TTBK2: variants seen among roughly 807,000 people sequenced by gnomAD.
TTBK2 encodes tau tubulin kinase 2, also known as tau-tubulin kinase 2.
A neutral mutation model predicts 110.8 loss-of-function variants in TTBK2; 28 were observed. The ratio of observed to expected loss-of-function variants is 0.25; its 90% CI spans 0.19 to 0.35. The LOEUF is 0.35. Ranked by LOEUF, TTBK2 falls within the 10% of genes least tolerant of loss-of-function variation. The pLI is 1.00. For missense variants in TTBK2, 1,369 were observed against 1,500.3 expected, an observed-to-expected ratio of 0.91 and a Z score of 1.45; for synonymous variants, 532 against 527.3, an observed-to-expected ratio of 1.01 and a Z score of -0.12.
chr15:42,891,769 A>G (rs2141166107), intron 1 of TTBK2, among the ~76,000 whole-genome samples: 1 of 152,332 alleles, frequency 6.6e-6, no homozygotes, highest in South Asian at 2.1e-4. Flanking sequence ...TAAGCAAATT[A>G]TTAAACCCAA....
chr15:42,870,678 T>C (rs1818237310), intron 3 of TTBK2, among the ~76,000 whole-genome samples: 2 of 151,800 alleles, frequency 1.3e-5, no homozygotes, highest in Middle Eastern at 3.4e-3. Context: ...CTGGCCAACA[T>C]GGTGAAACCC....
At chr15:42,850,735 G>A (rs1893664788) in intron 3 of TTBK2, among the ~76,000 whole-genome samples, 1 of 151,906 alleles carries the variant, frequency 6.6e-6, no homozygotes, top group South Asian at 2.1e-4. Flanking sequence ...ATACACTTTT[G>A]GACATTATAT....
At position 42,740,851 on chromosome 15, in the gene TTBK2, G is replaced by A. The variant is rs2061745935; in HGVS notation, c.*4944C>T. 1 of 152,130 alleles carries A rather than the reference G, an allele frequency of 6.6e-6. No homozygotes were observed. Among genetic ancestry groups the A allele is most frequent in the Non-Finnish European group, 1.5e-5 (1 of 68,046 alleles). 9.4% of individuals were successfully genotyped at this position (152,130 alleles called of 1,614,324 possible). On this transcript the variant is annotated 3_prime_UTR_variant, in exon 15 of 15. Coordinates refer to ENST00000267890, the MANE Select transcript of TTBK2 (RefSeq NM_173500.4). ...ATTACAGGCATGAGCCACTGCGCCT[G>A]GCCTTGTTTTACTTTTTAAAATTTC...
At chr15:42,778,807 G>A (rs555835073) in intron 11 of TTBK2, among the ~76,000 whole-genome samples, 28 of 152,264 alleles carry the variant, frequency 1.8e-4, no homozygotes, top group Non-Finnish European at 3.8e-4. Context: ...AGAGATAATA[G>A]AAAGAATGAA....
At chr15:42,760,966 G>T (rs1286324490) in intron 13 of TTBK2, among the ~76,000 whole-genome samples, 1 of 152,122 alleles carries the variant, frequency 6.6e-6, no homozygotes, top group Non-Finnish European at 1.5e-5. Context: ...AAACAGCATG[G>T]TACTGGCATA....
intron 14 of TTBK2, among the ~76,000 whole-genome samples, chr15:42,749,170 T>C (rs933658511): frequency 6.6e-6 from 1 of 152,176 alleles, no homozygotes; most frequent in African/African-American, 2.4e-5. Context: ...TAAGCAAATA[T>C]TTTGCCCACT....
In TTBK2 at chr15:42,878,593, C is replaced by A. The variant is rs766604205; in HGVS notation, c.25G>T (p.Asp9Tyr). ...ACTAGGATTCCAACACTCAGGATAT[C>A]CAGCTGCTCTCCTCCCCCACTCATT... MSGGGEQLDILSVGILVKE... is the reference protein window; with the variant it reads MSGGGEQLYILSVGILVKE... Residue 9 changes from aspartate to tyrosine, a missense_variant, in exon 2 of 15, where the codon GAT becomes TAT. Physicochemically the swap from Asp to Tyr is radical, Grantham distance 160. This residue lies in a region of TTBK2 where 122 missense variants were observed against 159.7 expected (regional missense o/e 0.76). Transcript: ENST00000267890. 1.2e-6 allele frequency: 2 copies of A among 1,613,570 alleles called. No individual in the cohort carries two copies. Among genetic ancestry groups the A allele is most frequent in the Admixed American group, 3.3e-5 (2 of 59,940 alleles).
rs576135547 is a variant in TTBK2 at position 42,837,273 on chromosome 15, A to G, written c.291+3087T>C. ...CACCGGAGGCTGAGGCAGGAGAATC[A>G]CTTGAACCTGGGAGGCGAAGGTTGC... On this transcript the variant is annotated intron_variant, in intron 4 of 14. Transcript: ENST00000267890. Among the ~76,000 whole-genome samples, 7 of 150,574 alleles carry G rather than the reference A, an allele frequency of 4.6e-5. No homozygotes were observed. In the East Asian group the frequency reaches 1.4e-3, roughly 30 times the overall value.
chr15:42,772,183 G>C (rs992360058), intron 13 of TTBK2, among the ~76,000 whole-genome samples: 1 of 151,892 alleles, frequency 6.6e-6, no homozygotes, highest in Non-Finnish European at 1.5e-5. Context: ...GATTAGAAAA[G>C]ACACTGTGGC....
intron 1 of TTBK2, among the ~76,000 whole-genome samples, chr15:42,883,968 A>G (rs1181000265): frequency 1.3e-5 from 2 of 152,218 alleles, no homozygotes; most frequent in East Asian, 3.8e-4. Context: ...GAAAAGCTGG[A>G]GTATCTATTA....
At chr15:42,874,739 G>A (rs1437132565) in intron 2 of TTBK2, among the ~76,000 whole-genome samples, 2 of 151,600 alleles carry the variant, frequency 1.3e-5, no homozygotes, top group Admixed American at 6.6e-5. Flanking sequence ...TGTAATCCCA[G>A]CACTTTGGGA....
At chr15:42,796,128 G>A (rs560938448) in intron 9 of TTBK2, among the ~76,000 whole-genome samples, 104 of 152,258 alleles carry the variant, frequency 6.8e-4, no homozygotes, top group African/African-American at 2.3e-3. Flanking sequence ...TACTGGCCAC[G>A]CACGGTGGCT....
At chr15:42,915,009 C>G (rs1349528562) in intron 1 of TTBK2, among the ~76,000 whole-genome samples, 1 of 152,204 alleles carries the variant, frequency 6.6e-6, no homozygotes, top group African/African-American at 2.4e-5. Context: ...CAACCCCTAG[C>G]ACAGTAACAT....
At chr15:42,862,197 A>G (rs1406281009) in intron 3 of TTBK2, among the ~76,000 whole-genome samples, 3 of 152,186 alleles carry the variant, frequency 2.0e-5, no homozygotes, top group Non-Finnish European at 4.4e-5. Context: ...TATTTAAAAA[A>G]AAAATGAGGA....
rs542887765 is a variant in TTBK2, at chr15:42,773,938, G to T, written c.1998+1197C>A. 1.3e-3 allele frequency among the ~76,000 whole-genome samples: 197 copies of T among 152,268 alleles called. 1 individual carries two copies. The highest frequency in any genetic ancestry group is 6.8e-3 in the Middle Eastern group (2 of 294). ...ATGCACAGTTTGGAAAGCAAAGTCT[G>T]GGGTAGATTTCAGCCCTAATTTGTT... On this transcript the variant is annotated intron_variant, in intron 13 of 14. Coordinates refer to ENST00000267890, the MANE Select transcript of TTBK2 (RefSeq NM_173500.4).
At chr15:42,807,629 G>T (rs1891529086) in intron 9 of TTBK2, among the ~76,000 whole-genome samples, 1 of 151,726 alleles carries the variant, frequency 6.6e-6, no homozygotes, top group South Asian at 2.1e-4. Flanking sequence ...TAGAAACAGG[G>T]TGTTACTATG....
chr15:42,835,629 T>TA (rs796745439), intron 4 of TTBK2, among the ~76,000 whole-genome samples: 67 of 147,378 alleles, frequency 4.5e-4, no homozygotes, highest in Middle Eastern at 3.5e-3. Flanking sequence ...AAACCAAATG[T>TA]AAAAAAAAAA....
intron 5 of TTBK2, 97 bp from the exon 6 acceptor site, chr15:42,828,129 T>C: frequency 3.4e-6 from 3 of 883,796 alleles, no homozygotes; most frequent in Non-Finnish European, 5.4e-6. Context: ...ATTTAAGCTC[T>C]ATATAACACA....
intron 4 of TTBK2, among the ~76,000 whole-genome samples, chr15:42,838,453 A>G (rs1008728570): frequency 2.6e-5 from 4 of 151,816 alleles, no homozygotes; most frequent in Non-Finnish European, 4.4e-5. Flanking sequence ...CACTATAGCC[A>G]TTATTCCAAT....
Sources: gnomAD v4.1 joint callset for allele counts (sites outside exome capture counted in the v4.1 genomes callset) on GRCh38, gnomAD v4.1.1 for gene constraint, gnomAD v4.1.1 regional missense constraint, MANE v1.5 for transcripts, NCBI Gene and HGNC (gene_info 2026-07-23, HGNC 2026-07-21) for gene names.